Variants in SFRP1 observed in about 807,000 individuals in gnomAD.
SFRP1 encodes secreted frizzled-related protein 1.
A neutral mutation model predicts 25.9 loss-of-function variants in SFRP1; 9 were observed. That is an observed-to-expected ratio of 0.35 (90% CI 0.21 to 0.61). The LOEUF (loss-of-function observed/expected upper bound fraction) is 0.61, where lower values mean the gene tolerates loss of function less well. Among genes scored for constraint, SFRP1 ranks in the 20% least tolerant of loss-of-function variants. The pLI, the probability that SFRP1 is intolerant of heterozygous loss-of-function variation, is 0.78. For synonymous variants in SFRP1, 178 were observed against 174.0 expected, an observed-to-expected ratio of 1.02 and a Z score of -0.18; for missense variants, 346 against 418.2, an observed-to-expected ratio of 0.83 and a Z score of 1.51.
chr8:41,302,971 C>A lies in SFRP1; in HGVS notation c.622+490G>T, dbSNP rs115495482. Among the ~76,000 whole-genome samples the A allele has an allele frequency of 9.3e-3, 1,405 of 151,046 alleles. 18 individuals are homozygous for A. Among genetic ancestry groups the A allele is most frequent in the African/African-American group, 0.032 (1,330 of 41,068 alleles). On this transcript the variant is annotated intron_variant, in intron 2 of 2. Coordinates refer to ENST00000220772, the MANE Select transcript of SFRP1 (RefSeq NM_003012.5). Reference sequence around the variant, plus strand: ...CACTCTGAATCCCCTAAGCATTGAACTCTCCCCTCCCTGGGAAGGCACCCA... The same window carrying A: ...CACTCTGAATCCCCTAAGCATTGAAATCTCCCCTCCCTGGGAAGGCACCCA...
In SFRP1 at chr8:41,266,260, G is replaced by A. The variant is rs148106271; in HGVS notation, c.623-771C>T. Among the ~76,000 whole-genome samples, 74 of 152,096 alleles carry A rather than the reference G, an allele frequency of 4.9e-4. No individual in the cohort carries two copies. The East Asian group carries it at 0.012, about 25-fold the overall frequency. The stretch of plus-strand genomic sequence containing the variant: ...GTGGTATCTCTCTGTAATGGCCATC[G>A]GTGCCAGGAGATCCTCAAATAAATT... On this transcript the variant is annotated intron_variant, in intron 2 of 2. Transcript: ENST00000220772.
At chr8:41,300,848 C>T (rs1170316814) in intron 2 of SFRP1, among the ~76,000 whole-genome samples, 2 of 152,216 alleles carry the variant, frequency 1.3e-5, no homozygotes, top group Admixed American at 1.3e-4. Context: ...TTTGCCCCAT[C>T]TAAGTCTTGG....
rs971959207 is a variant in SFRP1, at chr8:41,263,018, C to T, written c.*2149G>A. Reference sequence around the variant, plus strand: ...GAGAATTCCCATTTAGAGAGCTGCACAGCACAGTCACCTGCTCTTCCGTAT... The same window carrying T: ...GAGAATTCCCATTTAGAGAGCTGCATAGCACAGTCACCTGCTCTTCCGTAT... On this transcript the variant is annotated 3_prime_UTR_variant, in exon 3 of 3. Coordinates refer to ENST00000220772, the MANE Select transcript of SFRP1 (RefSeq NM_003012.5). 6.6e-6 allele frequency: 1 copy of T among 152,208 alleles called. No individual in the cohort carries two copies. Among genetic ancestry groups the T allele is most frequent in the African/African-American group, 2.4e-5 (1 of 41,444 alleles). The allele number at this position is 152,208 out of a possible 1,614,324, so 9.4% of individuals were successfully genotyped here. A position where few individuals can be genotyped will look rare whatever the true frequency, so the allele number is the denominator to read the frequency against.
In SFRP1 at chr8:41,276,460, C is replaced by G. The variant is rs193099677; in HGVS notation, c.623-10971G>C. Among the ~76,000 whole-genome samples the G allele has an allele frequency of 5.9e-5, 9 of 152,302 alleles. 1 individual carries two copies. Among genetic ancestry groups the G allele is most frequent in the Admixed American group, 2.6e-4 (4 of 15,300 alleles). ...CCTACTGACAATGGCCTTGCAATGG[C>G]AGCTTAACAGACCCCACTGTTCCCA... On this transcript the variant is annotated intron_variant, in intron 2 of 2. Coordinates refer to ENST00000220772, the MANE Select transcript of SFRP1 (RefSeq NM_003012.5).
At chr8:41,292,104 A>T (rs1225141435) in intron 2 of SFRP1, among the ~76,000 whole-genome samples, 2 of 152,078 alleles carry the variant, frequency 1.3e-5, no homozygotes, top group African/African-American at 4.8e-5. Flanking sequence ...ACCACTAAAA[A>T]CTTCCACTCC....
At chr8:41,290,886 CTTTTTTTTTTTTTTTTTTTTTTTTT>C (rs561965318) in intron 2 of SFRP1, among the ~76,000 whole-genome samples, 2 of 53,874 alleles carry the variant, frequency 3.7e-5, no homozygotes, top group African/African-American at 1.2e-4. Flanking sequence ...TCTTCCTCGT[CTTTTTTTTTTTTTTTTTTTTTTTTT>C]TTTTTTTTTT....
At chr8:41,265,561 T>C (rs1304701488) in intron 2 of SFRP1, 72 bp from the exon 3 acceptor site, 1 of 1,088,870 alleles carries the variant, frequency 9.2e-7, no homozygotes, top group Non-Finnish European at 1.3e-6. Flanking sequence ...TTTTCTTTTT[T>C]TGATCCTCAA....
At chr8:41,276,699 A>G (rs1033037161) in intron 2 of SFRP1, among the ~76,000 whole-genome samples, 1 of 152,220 alleles carries the variant, frequency 6.6e-6, no homozygotes, top group African/African-American at 2.4e-5. Context: ...CTCATCTCCA[A>G]AAACAAAACA....
At chr8:41,308,306 G>C (rs1419107507) in intron 1 of SFRP1, among the ~76,000 whole-genome samples, 1 of 152,272 alleles carries the variant, frequency 6.6e-6, no homozygotes, top group African/African-American at 2.4e-5. Context: ...TCAGGTATGG[G>C]AAAGGCGAAG....
At chr8:41,282,370 G>A (rs373791545) in intron 2 of SFRP1, among the ~76,000 whole-genome samples, 1 of 152,014 alleles carries the variant, frequency 6.6e-6, no homozygotes, top group South Asian at 2.1e-4. Flanking sequence ...TTAACTAGTC[G>A]GGCTTGGTCG....
intron 2 of SFRP1, chr8:41,274,989 C>A: frequency 3.4e-6 from 1 of 293,574 alleles, no homozygotes; most frequent in Non-Finnish European, 6.6e-6. Context: ...CTTTCTCAAC[C>A]AGCTTTTTGT....
chr8:41,268,563 T>A (rs1803463841), intron 2 of SFRP1, among the ~76,000 whole-genome samples: 1 of 152,238 alleles, frequency 6.6e-6, no homozygotes, highest in African/African-American at 2.4e-5. Context: ...CATTAGACTT[T>A]ACTTCTTGTC....
chr8:41,277,173 C>T (rs1006267127), intron 2 of SFRP1, among the ~76,000 whole-genome samples: 2 of 152,156 alleles, frequency 1.3e-5, no homozygotes, highest in Non-Finnish European at 2.9e-5. Flanking sequence ...AACTGTGGCC[C>T]CTCCCCTTCC....
intron 2 of SFRP1, among the ~76,000 whole-genome samples, chr8:41,282,821 C>G (rs887560690): frequency 6.6e-6 from 1 of 152,016 alleles, no homozygotes; most frequent in Non-Finnish European, 1.5e-5. Context: ...TTTTATTTTC[C>G]TGGCTTTCTG....
At chr8:41,282,852 C>G (rs1351042179) in intron 2 of SFRP1, among the ~76,000 whole-genome samples, 1 of 152,092 alleles carries the variant, frequency 6.6e-6, no homozygotes, top group Non-Finnish European at 1.5e-5. Flanking sequence ...AAGTACTGCC[C>G]TGCCTTCAAG....
chr8:41,307,493 T>A (rs1296928163), intron 1 of SFRP1, among the ~76,000 whole-genome samples: 1 of 152,144 alleles, frequency 6.6e-6, no homozygotes, highest in Non-Finnish European at 1.5e-5. Flanking sequence ...GTGAGCTAAG[T>A]GTAGGCAGTC....
In SFRP1 at chr8:41,284,396, A is replaced by AGGGCCCCTCCCACATTGCTGGAGG. The variant is rs748119722; in HGVS notation, c.623-18908_623-18907insCCTCCAGCAATGTGGGAGGGGCCC. On this transcript the variant is annotated intron_variant, in intron 2 of 2. Coordinates refer to ENST00000220772, the MANE Select transcript of SFRP1 (RefSeq NM_003012.5). ...GGAGGGCCCCCTCCCACATTGTCTG[A>AGGGCCCCTCCCACATTGCTGGAGG]GCCCCTCCCACATTGCTGGAGGGCC... is the stretch of plus-strand genomic sequence containing the variant. Among the ~76,000 whole-genome samples, 8 of 101,214 alleles carry AGGGCCCCTCCCACATTGCTGGAGG rather than the reference A, an allele frequency of 7.9e-5. 1 individual carries two copies. In the South Asian group the frequency reaches 1.1e-3, roughly 14 times the overall value. 66.4% of individuals were successfully genotyped at this position (101,214 alleles called of 152,430 possible).
chr8:41,268,797 G>A (rs935320145), intron 2 of SFRP1, among the ~76,000 whole-genome samples: 1 of 152,206 alleles, frequency 6.6e-6, no homozygotes, highest in Non-Finnish European at 1.5e-5. Flanking sequence ...GCGAGGGCAG[G>A]TGCTGGCCCA....
chr8:41,282,783 G>A (rs929179137), intron 2 of SFRP1, among the ~76,000 whole-genome samples: 123 of 152,214 alleles, frequency 8.1e-4, no homozygotes, highest in African/African-American at 2.9e-3. Context: ...TTATATACAT[G>A]TTTAGGTTTT....
Sources: allele counts gnomAD v4.1 joint callset (sites outside exome capture counted in the v4.1 genomes callset), GRCh38; gene constraint gnomAD v4.1.1; transcripts MANE v1.5; gene names NCBI Gene and HGNC (gene_info 2026-07-23, HGNC 2026-07-21).